The following PRXL2A variants were observed in gnomAD, a reference collection of about 807,000 sequenced individuals.
PRXL2A encodes peroxiredoxin-like 2A.
A neutral mutation model predicts 25.6 loss-of-function variants in PRXL2A; 26 were observed. The observed-to-expected ratio is 1.02, with a 90% CI of 0.74 to 1.41. The LOEUF is 1.41. PRXL2A is among the 40% of genes most tolerant of loss of function. PRXL2A has a pLI of 0.00. For missense variants in PRXL2A, 246 were observed against 273.9 expected, an observed-to-expected ratio of 0.90 and a Z score of 0.72; for synonymous variants, 98 against 102.9, an observed-to-expected ratio of 0.95 and a Z score of 0.29.
chr10:80,429,373 C>G (rs897654656), intron 5 of PRXL2A, among the ~76,000 whole-genome samples: 1 of 152,216 alleles, frequency 6.6e-6, no homozygotes, highest in African/African-American at 2.4e-5. Flanking sequence ...TTCCTCACAA[C>G]CAGTCTAGGA....
Position 80,436,503 on chromosome 10 carries a change from G to A in PRXL2A, c.*4404G>A, listed in dbSNP as rs934249459. The A allele has an allele frequency of 5.3e-5, 8 of 152,188 alleles. No homozygotes were observed. Among genetic ancestry groups the A allele is most frequent in the Admixed American group, 2.6e-4 (4 of 15,268 alleles). 9.4% of individuals were successfully genotyped at this position (152,188 alleles called of 1,614,324 possible). A position where few individuals can be genotyped will look rare whatever the true frequency, so the allele number is the denominator to read the frequency against. ...TTTAAAAGGCTCGGCATCCAGTGTG[G>A]AAGACCAGCACACTCACGTCAGGAG... On this transcript the variant is annotated 3_prime_UTR_variant, in exon 6 of 6. Coordinates refer to ENST00000606162, the MANE Select transcript of PRXL2A (RefSeq NM_032333.5).
At chr10:80,420,750 T>C in intron 2 of PRXL2A, 105 bp downstream of exon 2, 1 of 851,066 alleles carries the variant, frequency 1.2e-6, no homozygotes, top group Non-Finnish European at 1.7e-6. Flanking sequence ...AAAGATAATA[T>C]AACAACATTA....
chr10:80,424,350 CTTGAGCCCAGGAAT>C (rs572559191), intron 3 of PRXL2A, among the ~76,000 whole-genome samples: 316 of 130,926 alleles, frequency 2.4e-3, no homozygotes, highest in Middle Eastern at 5.1e-3. Context: ...GAGAAGATCA[CTTGAGCCCAGGAAT>C]TTGAGACCAC....
chr10:80,412,745 G>C (rs1439811436), intron 1 of PRXL2A, among the ~76,000 whole-genome samples: 3 of 152,118 alleles, frequency 2.0e-5, no homozygotes, highest in African/African-American at 4.8e-5. Context: ...GTCAGAGGGG[G>C]GCATCCCGGG....
At chr10:80,431,105 C>T (rs1845241978) in intron 5 of PRXL2A, among the ~76,000 whole-genome samples, 1 of 152,138 alleles carries the variant, frequency 6.6e-6, no homozygotes, top group Non-Finnish European at 1.5e-5. Flanking sequence ...ACCGTGTTGG[C>T]CAGGCTGGTC....
chr10:80,423,504 G>C (rs1316750031), intron 3 of PRXL2A, among the ~76,000 whole-genome samples: 1 of 152,208 alleles, frequency 6.6e-6, no homozygotes. Context: ...TCCCCTCCCT[G>C]ACCCTGAGAC....
chr10:80,420,722 T>C (rs572078876), intron 2 of PRXL2A, 77 bp downstream of exon 2: 2 of 1,116,226 alleles, frequency 1.8e-6, no homozygotes, highest in South Asian at 2.7e-5. Flanking sequence ...TTCTAAACTC[T>C]CTCCTTTTTT....
rs189189429 is a variant in PRXL2A, at chr10:80,425,839, G to A, written c.271-27G>A. The A allele has an allele frequency of 2.7e-3, 4,389 of 1,613,754 alleles. 16 individuals are homozygous for A. Among genetic ancestry groups the A allele is most frequent in the Non-Finnish European group, 3.3e-3 (3,837 of 1,179,764 alleles). On this transcript the variant is annotated intron_variant, in intron 3 of 5. Coordinates refer to ENST00000606162, the MANE Select transcript of PRXL2A (RefSeq NM_032333.5). ...AGGCCCACAGCCAGCTGGGACAGAT[G>A]TCCCTGAACCCTTGTGTCTTCTACA...
In PRXL2A at chr10:80,425,949, G is replaced by A. The variant is rs1845027456; in HGVS notation, c.354G>A (p.Arg118=). ...ATGCAGTGGTAAAGGAGCACATCAG[G>A]ACTGAAGTGAAGGATTTCCAGCCTT... ...PLYAVVKEHI[R]TEVKDFQPYF... The change falls in exon 4 of 6, where the codon AGG becomes AGA. Residue 118 remains arginine, a synonymous_variant. Coordinates refer to ENST00000606162, the MANE Select transcript of PRXL2A (RefSeq NM_032333.5). 6.2e-7 allele frequency: 1 copy of A among 1,614,244 alleles called. No homozygotes were observed. The highest frequency in any genetic ancestry group is 2.2e-5 in the East Asian group (1 of 44,890).
chr10:80,414,349 C>T (rs916570253), intron 1 of PRXL2A, among the ~76,000 whole-genome samples: 14 of 152,068 alleles, frequency 9.2e-5, no homozygotes, highest in Non-Finnish European at 1.6e-4. Flanking sequence ...AACAACCCTA[C>T]TATTCTGTTT....
rs1845350699 is a variant in PRXL2A, at chr10:80,434,541, A to G, written c.*2442A>G. 6.6e-6 allele frequency: 1 copy of G among 152,256 alleles called. No homozygotes were observed. The highest frequency in any genetic ancestry group is 2.4e-5 in the African/African-American group (1 of 41,458). 9.4% of individuals were successfully genotyped at this position (152,256 alleles called of 1,614,324 possible). On this transcript the variant is annotated 3_prime_UTR_variant, in exon 6 of 6. Transcript: ENST00000606162. ...CAATAATGACAGATTTTACTCAATA[A>G]CTACTGCAGAAGGAGAGAGTCCTCA...
chr10:80,416,059 A>C lies in PRXL2A; in HGVS notation c.-2-4407A>C, dbSNP rs1179376781. Among the ~76,000 whole-genome samples the C allele has an allele frequency of 2.0e-5, 3 of 152,234 alleles. No homozygotes were observed. The South Asian group carries it at 6.2e-4, about 32-fold the overall frequency. Reference sequence around the variant, plus strand: ...AAATCCAGGAACATTTTGGAAGTGCATAAAGGTACAGAAGTTGTTCCAGGC... The same window carrying C: ...AAATCCAGGAACATTTTGGAAGTGCCTAAAGGTACAGAAGTTGTTCCAGGC... On this transcript the variant is annotated intron_variant, in intron 1 of 5. Transcript: ENST00000606162.
At position 80,433,423 on chromosome 10, in the gene PRXL2A, G is replaced by A. The variant is rs998920273; in HGVS notation, c.*1324G>A. On this transcript the variant is annotated 3_prime_UTR_variant, in exon 6 of 6. Coordinates refer to ENST00000606162, the MANE Select transcript of PRXL2A (RefSeq NM_032333.5). ...CAAACTGGCCCAGGAGTAGAAAGGT[G>A]GGGGTGGAAATAGGAAATAGTGTTT... The A allele has an allele frequency of 1.3e-5, 2 of 152,310 alleles. No individual in the cohort carries two copies. The highest frequency in any genetic ancestry group is 2.4e-5 in the African/African-American group (1 of 41,462). The allele number at this position is 152,310 out of a possible 1,614,324, so 9.4% of individuals were successfully genotyped here. A position where few individuals can be genotyped will look rare whatever the true frequency, so the allele number is the denominator to read the frequency against.
Position 80,425,889 on chromosome 10 carries a change from G to C in PRXL2A, c.294G>C (p.Leu98=). The C allele has an allele frequency of 4.3e-6, 7 of 1,614,266 alleles. No individual in the cohort carries two copies. The highest frequency in any genetic ancestry group is 5.9e-6 in the Non-Finnish European group (7 of 1,180,044). ...AGGAAGCTGCGGATCTGTCCTCCCT[G>C]AAAAGCATGTTGGACCAGCTGGGCG... is the stretch of plus-strand genomic sequence containing the variant. The part of the protein sequence containing the change: ...CREEAADLSS[L]KSMLDQLGVP... Residue 98 remains leucine (L), a synonymous_variant, in exon 4 of 6, where the codon CTG becomes CTC. Transcript: ENST00000606162.
chr10:80,433,635 A>C lies in PRXL2A; in HGVS notation c.*1536A>C, dbSNP rs1015282198. ...TAAGACCATGCCTGCACCTGACTTCATGTAGCAGTGGTTGCATGGGGTATG... is the reference window on the plus strand; with the variant it reads ...TAAGACCATGCCTGCACCTGACTTCCTGTAGCAGTGGTTGCATGGGGTATG... On this transcript the variant is annotated 3_prime_UTR_variant, in exon 6 of 6. Transcript: ENST00000606162. 1 of 152,246 alleles carries C rather than the reference A, an allele frequency of 6.6e-6. No individual in the cohort carries two copies. 9.4% of individuals were successfully genotyped at this position (152,246 alleles called of 1,614,324 possible).
At chr10:80,431,140 C>T (rs1458955459) in intron 5 of PRXL2A, among the ~76,000 whole-genome samples, 4 of 152,060 alleles carry the variant, frequency 2.6e-5, no homozygotes, top group East Asian at 1.9e-4. Flanking sequence ...TCAAGTGATC[C>T]GCCCACCTCA....
chr10:80,421,940 A>G (rs1246892676), intron 2 of PRXL2A, among the ~76,000 whole-genome samples: 1 of 152,198 alleles, frequency 6.6e-6, no homozygotes, highest in East Asian at 1.9e-4. Flanking sequence ...TTGTTGAACT[A>G]CAGTACTGTA....
chr10:80,409,199 C>T (rs1844385967), intron 1 of PRXL2A: 1 of 398,174 alleles, frequency 2.5e-6, no homozygotes, highest in African/African-American at 2.2e-5. Context: ...GAGTCACAAA[C>T]GCCTGACTTT....
At chr10:80,414,027 G>T (rs968509728) in intron 1 of PRXL2A, among the ~76,000 whole-genome samples, 2 of 152,154 alleles carry the variant, frequency 1.3e-5, no homozygotes, top group African/African-American at 4.8e-5. Context: ...AGCCTAGAAT[G>T]TTCTGACTCC....
Sources: allele counts gnomAD v4.1 joint callset (sites outside exome capture counted in the v4.1 genomes callset), GRCh38; gene constraint gnomAD v4.1.1; transcripts MANE v1.5; gene names NCBI Gene and HGNC (gene_info 2026-07-23, HGNC 2026-07-21).